GALNT1: variants seen among roughly 807,000 people sequenced by gnomAD.
GALNT1 encodes the protein GalNAc transferase 1.
GALNT1 carries 17 observed loss-of-function variants against 65.7 expected under a neutral mutation model. That is an observed-to-expected ratio of 0.26 (90% CI 0.18 to 0.39). The LOEUF (loss-of-function observed/expected upper bound fraction) is 0.39. Ranked by LOEUF, GALNT1 falls within the 10% of genes least tolerant of loss-of-function variation. The pLI is 1.00. For missense variants in GALNT1, 460 were observed against 672.8 expected, an observed-to-expected ratio of 0.68 and a Z score of 3.50; for synonymous variants, 210 against 219.7, an observed-to-expected ratio of 0.96 and a Z score of 0.39.
rs1040011671 is a variant in GALNT1 at position 35,711,818 on chromosome 18, C to T, written c.*2048C>T. The T allele has an allele frequency of 2.0e-5, 3 of 152,106 alleles. No homozygotes were observed. Among genetic ancestry groups the T allele is most frequent in the African/African-American group, 7.2e-5 (3 of 41,422 alleles). 9.4% of individuals were successfully genotyped at this position (152,106 alleles called of 1,614,324 possible). ...AGAATTCCTAAATACTTTGAAAATA[C>T]AAAATATTCCTGAATAGTTGTGCCT... On this transcript the variant is annotated 3_prime_UTR_variant, in exon 12 of 12. Coordinates refer to ENST00000269195, the MANE Select transcript of GALNT1 (RefSeq NM_020474.4).
intron 1 of GALNT1, chr18:35,596,218 G>T (rs1254117933): frequency 6.6e-6 from 1 of 152,218 alleles, no homozygotes; most frequent in Non-Finnish European, 1.5e-5. Context: ...CCAAATGGGA[G>T]CTCTGACTGT....
At chr18:35,675,667 T>C (rs2144557106) in intron 3 of GALNT1, among the ~76,000 whole-genome samples, 1 of 152,362 alleles carries the variant, frequency 6.6e-6, no homozygotes, top group Admixed American at 6.5e-5. Flanking sequence ...TCTGTACATC[T>C]TTCATGCATC....
At chr18:35,599,156 C>T (rs1285992861) in intron 1 of GALNT1, among the ~76,000 whole-genome samples, 1 of 151,854 alleles carries the variant, frequency 6.6e-6, no homozygotes, top group Non-Finnish European at 1.5e-5. Flanking sequence ...GGTGTTTTCT[C>T]CTATTATAAA....
intron 3 of GALNT1, among the ~76,000 whole-genome samples, chr18:35,667,479 ACCAT>A (rs1449567535): frequency 1.3e-5 from 2 of 152,218 alleles, no homozygotes; most frequent in Non-Finnish European, 2.9e-5. Context: ...AAATGATTAT[ACCAT>A]TTTCACCCCT....
chr18:35,680,589 CTG>C (rs1366656243), intron 4 of GALNT1, among the ~76,000 whole-genome samples: 2 of 152,198 alleles, frequency 1.3e-5, no homozygotes, highest in African/African-American at 2.4e-5. Flanking sequence ...TACTTCTTCT[CTG>C]TGCAAACTTC....
chr18:35,620,919 A>G (rs2046843530), intron 1 of GALNT1, among the ~76,000 whole-genome samples: 1 of 152,062 alleles, frequency 6.6e-6, no homozygotes, highest in East Asian at 1.9e-4. Context: ...TTTATGAGAT[A>G]CTTATTGCCA....
chr18:35,618,244 A>G lies in GALNT1; in HGVS notation c.-103-36316A>G, dbSNP rs555167582. Among the ~76,000 whole-genome samples the G allele has an allele frequency of 3.9e-5, 6 of 152,260 alleles. No homozygotes were observed. The East Asian group carries it at 1.2e-3, about 29-fold the overall frequency. ...CATTAAATGTAGTCTAAACCTGTAA[A>G]ATAATCTTGTATTCATTAAAAAGTA... On this transcript the variant is annotated intron_variant, in intron 1 of 11. Transcript: ENST00000269195.
At chr18:35,667,310 G>A (rs1021180418) in intron 3 of GALNT1, among the ~76,000 whole-genome samples, 2 of 152,144 alleles carry the variant, frequency 1.3e-5, no homozygotes, top group Non-Finnish European at 2.9e-5. Context: ...CACAATAGGT[G>A]CAGCCCTATG....
At chr18:35,600,615 G>C (rs934009261) in intron 1 of GALNT1, among the ~76,000 whole-genome samples, 2 of 152,086 alleles carry the variant, frequency 1.3e-5, no homozygotes, top group African/African-American at 4.8e-5. Flanking sequence ...TAGAGGAAAG[G>C]CTTCAGTTTT....
rs1598792979 is a variant in GALNT1 at position 35,642,983 on chromosome 18, C to A, written c.-103-11577C>A. ...CGGGGGCAGTGTGACTGAGCGCAGTCCTAGAGCACAGCCTTCCAGGTCTGT... is the reference window on the plus strand; with the variant it reads ...CGGGGGCAGTGTGACTGAGCGCAGTACTAGAGCACAGCCTTCCAGGTCTGT... On this transcript the variant is annotated intron_variant, in intron 1 of 11. Coordinates refer to ENST00000269195, the MANE Select transcript of GALNT1 (RefSeq NM_020474.4). Among the ~76,000 whole-genome samples the A allele has an allele frequency of 2.0e-5, 3 of 152,036 alleles. No homozygotes were observed. The East Asian group carries it at 5.8e-4, about 30-fold the overall frequency.
At position 35,621,338 on chromosome 18, in the gene GALNT1, C is replaced by T. The variant is rs761927920; in HGVS notation, c.-103-33222C>T. ...GGACTACAGATGCGTGTCAACACAC[C>T]TGGCTAATTTTCTTTTTTTTTACTT... On this transcript the variant is annotated intron_variant, in intron 1 of 11. Transcript: ENST00000269195. Among the ~76,000 whole-genome samples the T allele has an allele frequency of 6.4e-5, 9 of 140,098 alleles. 2 individuals carry two copies. The highest frequency in any genetic ancestry group is 1.4e-4 in the Non-Finnish European group (9 of 64,634). The allele number at this position is 140,098 out of a possible 152,430, so 91.9% of individuals were successfully genotyped here. A position where few individuals can be genotyped will look rare whatever the true frequency, so the allele number is the denominator to read the frequency against.
At chr18:35,680,875 T>C (rs2144595230) in intron 4 of GALNT1, among the ~76,000 whole-genome samples, 1 of 152,310 alleles carries the variant, frequency 6.6e-6, no homozygotes, top group African/African-American at 2.4e-5. Flanking sequence ...AAGTCAGAAT[T>C]TGGACGAATC....
At chr18:35,680,607 T>C (rs2047773047) in intron 4 of GALNT1, among the ~76,000 whole-genome samples, 2 of 152,228 alleles carry the variant, frequency 1.3e-5, no homozygotes, top group Non-Finnish European at 2.9e-5. Context: ...ACTTCCTAAT[T>C]GGGTTGTGTA....
intron 1 of GALNT1, among the ~76,000 whole-genome samples, chr18:35,638,149 C>G (rs143126947): frequency 1.3e-5 from 2 of 151,964 alleles, no homozygotes; most frequent in African/African-American, 4.8e-5. Flanking sequence ...ATTCTGCAGC[C>G]CATGAATCAA....
At chr18:35,607,332 C>T (rs2046662835) in intron 1 of GALNT1, among the ~76,000 whole-genome samples, 1 of 152,068 alleles carries the variant, frequency 6.6e-6, no homozygotes, top group African/African-American at 2.4e-5. Flanking sequence ...GACACTAATC[C>T]TTCTGCTGGG....
Position 35,581,768 on chromosome 18 carries a change from G to A in GALNT1, c.-198G>A, listed in dbSNP as rs1187053702. On this transcript the variant is annotated 5_prime_UTR_variant, in exon 1 of 12. Coordinates refer to ENST00000269195, the MANE Select transcript of GALNT1 (RefSeq NM_020474.4). ...GGCCGAGGAGCGCGCGGCGGACGGC[G>A]GCCCGAGAGTAGCGCGCTGGCCGCG... The A allele has an allele frequency of 2.0e-3, 233 of 117,956 alleles. 2 individuals are homozygous for A. The highest frequency in any genetic ancestry group is 6.8e-3 in the African/African-American group (215 of 31,656). The allele number at this position is 117,956 out of a possible 1,614,324, so 7.3% of individuals were successfully genotyped here. A position where few individuals can be genotyped will look rare whatever the true frequency, so the allele number is the denominator to read the frequency against.
chr18:35,677,696 T>G lies in GALNT1; in HGVS notation c.420T>G (p.Ile140Met). 1 of 1,613,116 alleles carries G rather than the reference T, an allele frequency of 6.2e-7. No homozygotes were observed. The highest frequency in any genetic ancestry group is 8.5e-7 in the Non-Finnish European group (1 of 1,179,290). Residue 140 changes from isoleucine to methionine, a missense_variant, in exon 4 of 12, where the codon ATT becomes ATG. Ile to Met is a conservative substitution (Grantham distance 10). Transcript: ENST00000269195. The stretch of plus-strand genomic sequence containing the variant: ...TTCTGCGAACTGTCCATAGTGTCAT[T>G]AATCGCTCACCAAGACACATGATAG... Reference protein sequence around the residue: ...STLLRTVHSVINRSPRHMIEE... With the variant: ...STLLRTVHSVMNRSPRHMIEE...
chr18:35,666,917 C>T (rs756814376), intron 3 of GALNT1, among the ~76,000 whole-genome samples: 19 of 151,828 alleles, frequency 1.3e-4, no homozygotes, highest in Admixed American at 2.0e-4. Flanking sequence ...TATATCTTCA[C>T]TCTATCTCTG....
intron 10 of GALNT1, 70 bp downstream of exon 10, chr18:35,703,065 C>A: frequency 1.2e-6 from 1 of 803,412 alleles, no homozygotes; most frequent in Non-Finnish European, 2.0e-6. Context: ...TTTTTTATAC[C>A]ATGACATCAT....
Sources: allele counts gnomAD v4.1 joint callset (sites outside exome capture counted in the v4.1 genomes callset), GRCh38; gene constraint gnomAD v4.1.1; transcripts MANE v1.5; gene names NCBI Gene and HGNC (gene_info 2026-07-23, HGNC 2026-07-21).